The following DLK1 variants were observed in gnomAD, a reference collection of about 807,000 sequenced individuals.
DLK1 encodes the protein protein delta homolog 1.
DLK1 carries 9 observed loss-of-function variants against 35.2 expected under a neutral mutation model. The ratio of observed to expected loss-of-function variants is 0.26; its 90% CI spans 0.15 to 0.45. The LOEUF is 0.45. Ranked by LOEUF, DLK1 falls within the 20% of genes least tolerant of loss-of-function variation. The pLI, the probability that DLK1 is intolerant of heterozygous loss-of-function variation, is 1.00. For synonymous variants in DLK1, 231 were observed against 228.4 expected (o/e 1.01, Z -0.10); for missense variants, 522 against 528.5 (o/e 0.99, Z 0.12).
In DLK1 at chr14:100,734,670, T is replaced by C; in HGVS notation, c.926T>C (p.Ile309Thr). Reference sequence around the variant, plus strand: ...GAGGGCCAGGCCATCTGCTTCACCATCCTGGGCGTGCTCACCAGCCTGGTG... The same window carrying C: ...GAGGGCCAGGCCATCTGCTTCACCACCCTGGGCGTGCTCACCAGCCTGGTG... ...LTEGQAICFT[I>T]LGVLTSLVVL... The change falls in exon 5 of 5, where the codon ATC (isoleucine) becomes ACC (threonine). Residue 309 changes from isoleucine (I) to threonine (T), a missense_variant. Ile to Thr is a moderately conservative substitution (Grantham distance 89). Transcript: ENST00000341267. The surrounding 1 kb of genome is among the most constrained non-coding windows in gnomAD (Gnocchi z 7.4). The C allele has an allele frequency of 6.2e-7, 1 of 1,613,984 alleles. No individual in the cohort carries two copies. Among genetic ancestry groups the C allele is most frequent in the Non-Finnish European group, 8.5e-7 (1 of 1,179,998 alleles).
At chr14:100,730,931 C>T (rs973819820) in intron 3 of DLK1, among the ~76,000 whole-genome samples, 2 of 152,098 alleles carry the variant, frequency 1.3e-5, no homozygotes, top group African/African-American at 4.8e-5. Context: ...GGAAAAAATA[C>T]GCACATGTGT....
rs1483241866 is a variant in DLK1, at chr14:100,734,537, G to A, written c.793G>A (p.Ala265Thr). Reference sequence around the variant, plus strand: ...CCGTCTGCCCAGCGGCTATGGGCTGGCCTACCGCCTGACCCCTGGGGTGCA... The same window carrying A: ...CCGTCTGCCCAGCGGCTATGGGCTGACCTACCGCCTGACCCCTGGGGTGCA... ...VTRLPSGYGL[A>T]YRLTPGVHEL... Residue 265 changes from alanine to threonine, a missense_variant, in exon 5 of 5, where the codon GCC becomes ACC. Coordinates refer to ENST00000341267, the MANE Select transcript of DLK1 (RefSeq NM_003836.7). This position sits in a 1 kb window ranked among gnomAD's most constrained non-coding sequence, Gnocchi z 7.4. 3.7e-6 allele frequency: 6 copies of A among 1,612,500 alleles called. No homozygotes were observed. The Admixed American group carries it at 5.0e-5, about 13-fold the overall frequency.
chr14:100,732,211 A>G, intron 4 of DLK1, 28 bp downstream of exon 4: 2 of 1,602,034 alleles, frequency 1.2e-6, no homozygotes, highest in Non-Finnish European at 1.7e-6. Flanking sequence ...GTGTGATCTA[A>G]TGAATGCTGC....
Position 100,734,027 on chromosome 14 carries a change from G to A in DLK1, c.405-122G>A. On this transcript the variant is annotated intron_variant, in intron 4 of 4. Transcript: ENST00000341267. The surrounding 1 kb of genome is among the most constrained non-coding windows in gnomAD (Gnocchi z 7.4). ...CCCTCCCTCGCTCCCTCATTCACCT[G>A]ATGTGTTTTAAGCACCTGCCCCTTA... 1.6e-6 allele frequency: 2 copies of A among 1,286,750 alleles called. No homozygotes were observed. The highest frequency in any genetic ancestry group is 2.9e-5 in the Admixed American group (1 of 34,394). 79.7% of individuals were successfully genotyped at this position (1,286,750 alleles called of 1,614,324 possible). A position where few individuals can be genotyped will look rare whatever the true frequency, so the allele number is the denominator to read the frequency against.
chr14:100,737,897 T>C lies in DLK1; in HGVS notation c.*3001T>C, dbSNP rs2036592069. The C allele has an allele frequency of 6.6e-6, 1 of 152,144 alleles. No individual in the cohort carries two copies. The highest frequency in any genetic ancestry group is 2.4e-5 in the African/African-American group (1 of 41,426). 9.4% of individuals were successfully genotyped at this position (152,144 alleles called of 1,614,324 possible). A position where few individuals can be genotyped will look rare whatever the true frequency, so the allele number is the denominator to read the frequency against. On this transcript the variant is annotated 3_prime_UTR_variant, in exon 5 of 5. Coordinates refer to ENST00000341267, the MANE Select transcript of DLK1 (RefSeq NM_003836.7). ...AGCAGTGTCAGCAGCCTCGCCACGG[T>C]CTTCACGTCATGCAGAAATGGTCAT...
rs1469382276 is a variant in DLK1 at position 100,736,221 on chromosome 14, G to T, written c.*1325G>T. The T allele has an allele frequency of 6.7e-6, 1 of 149,460 alleles. No homozygotes were observed. Among genetic ancestry groups the T allele is most frequent in the Non-Finnish European group, 1.5e-5 (1 of 67,610 alleles). 9.3% of individuals were successfully genotyped at this position (149,460 alleles called of 1,614,324 possible). A position where few individuals can be genotyped will look rare whatever the true frequency, so the allele number is the denominator to read the frequency against. ...TCTATCTTTTTTGCAAAAATAGAAAGAAATGGGACAGAGCTCTGTTTAGCT... is the reference window on the plus strand; with the variant it reads ...TCTATCTTTTTTGCAAAAATAGAAATAAATGGGACAGAGCTCTGTTTAGCT... On this transcript the variant is annotated 3_prime_UTR_variant, in exon 5 of 5. Transcript: ENST00000341267.
rs1230268298 is a variant in DLK1 at position 100,734,589 on chromosome 14, A to T, written c.845A>T (p.His282Leu). The change falls in exon 5 of 5, where the codon CAC (histidine) becomes CTC (leucine). Residue 282 changes from histidine to leucine, a missense_variant. His to Leu is a moderately conservative substitution (Grantham distance 99). Coordinates refer to ENST00000341267, the MANE Select transcript of DLK1 (RefSeq NM_003836.7). The surrounding 1 kb of genome is among the most constrained non-coding windows in gnomAD (Gnocchi z 7.4). The stretch of plus-strand genomic sequence containing the variant: ...GAGCTGCCGGTGCAGCAGCCGGAGC[A>T]CCGCATCCTGAAGGTGTCCATGAAA... ...VHELPVQQPE[H>L]RILKVSMKEL... 6.2e-7 allele frequency: 1 copy of T among 1,613,750 alleles called. No individual in the cohort carries two copies. Among genetic ancestry groups the T allele is most frequent in the East Asian group, 2.2e-5 (1 of 44,864 alleles).
rs1313419095 is a variant in DLK1 at position 100,732,056 on chromosome 14, T to G, written c.277T>G (p.Ser93Ala). The G allele has an allele frequency of 6.2e-7, 1 of 1,613,456 alleles. No individual in the cohort carries two copies. Among genetic ancestry groups the G allele is most frequent in the Non-Finnish European group, 8.5e-7 (1 of 1,179,642 alleles). Reference sequence around the variant, plus strand: ...TCACCCCGCAGATGTTCGGGCCTGCTCCTCGGCCCCCTGTGCCAACAACAG... The same window carrying G: ...TCACCCCGCAGATGTTCGGGCCTGCGCCTCGGCCCCCTGTGCCAACAACAG... ...ELCDRDVRACSSAPCANNRTC... is the reference protein window; with the variant it reads ...ELCDRDVRACASAPCANNRTC... The change falls in exon 4 of 5, where the codon TCC becomes GCC. Residue 93 changes from serine to alanine, a missense_variant. By Grantham distance (99) the Ser-to-Ala change is moderately conservative (BLOSUM62 1). Transcript: ENST00000341267.
chr14:100,730,566 A>C lies in DLK1; in HGVS notation c.263-1476A>C, dbSNP rs61258394. Among the ~76,000 whole-genome samples, 278 of 152,292 alleles carry C rather than the reference A, an allele frequency of 1.8e-3. 1 individual carries two copies. The highest frequency in any genetic ancestry group is 6.4e-3 in the African/African-American group (265 of 41,576). On this transcript the variant is annotated intron_variant, in intron 3 of 4. Coordinates refer to ENST00000341267, the MANE Select transcript of DLK1 (RefSeq NM_003836.7). ...CCCCAAGCAGCCTTTTCCTCAGAGC[A>C]GCTTAATTCACCCCTGTCTTGGGGT...
At position 100,735,048 on chromosome 14, in the gene DLK1, A is replaced by G; in HGVS notation, c.*152A>G. The G allele has an allele frequency of 2.1e-6, 2 of 975,082 alleles. No individual in the cohort carries two copies. The highest frequency in any genetic ancestry group is 5.4e-5 in the East Asian group (2 of 37,092). The allele number at this position is 975,082 out of a possible 1,614,324, so 60.4% of individuals were successfully genotyped here. A position where few individuals can be genotyped will look rare whatever the true frequency, so the allele number is the denominator to read the frequency against. Reference sequence around the variant, plus strand: ...ATTGTCTTTGTGCTGCTGTGTGACAAACGCAATGCAAAAACAATCCTCTTT... The same window carrying G: ...ATTGTCTTTGTGCTGCTGTGTGACAGACGCAATGCAAAAACAATCCTCTTT... On this transcript the variant is annotated 3_prime_UTR_variant, in exon 5 of 5. Coordinates refer to ENST00000341267, the MANE Select transcript of DLK1 (RefSeq NM_003836.7).
rs186583984 is a variant in DLK1, at chr14:100,728,541, G to C, written c.131+82G>C. 1.6e-5 allele frequency: 23 copies of C among 1,471,904 alleles called. No homozygotes were observed. In the African/African-American group the frequency reaches 2.7e-4, roughly 17 times the overall value. 91.2% of individuals were successfully genotyped at this position (1,471,904 alleles called of 1,614,324 possible). On this transcript the variant is annotated intron_variant, in intron 2 of 4. Coordinates refer to ENST00000341267, the MANE Select transcript of DLK1 (RefSeq NM_003836.7). Reference sequence around the variant, plus strand: ...TCGTGAAGTCAGGCAGAAAAAAATAGGGGGCTTGGCCACTACGCTGCAGCA... The same window carrying C: ...TCGTGAAGTCAGGCAGAAAAAAATACGGGGCTTGGCCACTACGCTGCAGCA...
In DLK1 at chr14:100,727,112, T is replaced by C; in HGVS notation, c.44T>C (p.Leu15Pro). The stretch of plus-strand genomic sequence containing the variant: ...CTCCTGCGCGTCCTCTTGCTCCTGC[T>C]GGCTTTCGGCCACAGCACCTATGGT... ...EALLRVLLLL[L>P]AFGHSTYGAE... is the part of the protein sequence containing the mutation. The change falls in exon 1 of 5, where the codon CTG becomes CCG. Residue 15 changes from leucine (L) to proline (P), a missense_variant. Physicochemically the swap from Leu to Pro is moderately conservative, Grantham distance 98. Coordinates refer to ENST00000341267, the MANE Select transcript of DLK1 (RefSeq NM_003836.7). 6.3e-7 allele frequency: 1 copy of C among 1,595,180 alleles called. No homozygotes were observed.
intron 1 of DLK1, among the ~76,000 whole-genome samples, chr14:100,727,751 C>G (rs549157618): frequency 6.6e-6 from 1 of 152,248 alleles, no homozygotes; most frequent in South Asian, 2.1e-4. Context: ...TAAATGCACA[C>G]AGTAGGTGCC....
chr14:100,732,004 G>A, intron 3 of DLK1, 38 bp from the exon 4 acceptor site: 1 of 1,591,252 alleles, frequency 6.3e-7, no homozygotes, highest in Non-Finnish European at 8.6e-7. Context: ...CGTGTATGGA[G>A]AGGAAGCTAA....
At chr14:100,728,752 T>A in intron 2 of DLK1, 184 bp from the exon 3 acceptor site, 1 of 906,860 alleles carries the variant, frequency 1.1e-6, no homozygotes, top group African/African-American at 1.7e-5. Flanking sequence ...GTCGGCCCCC[T>A]CAGCTTGGCA....
At position 100,734,251 on chromosome 14, in the gene DLK1, C is replaced by T. The variant is rs140697628; in HGVS notation, c.507C>T (p.Ile169=). 270 of 1,613,466 alleles carry T rather than the reference C, an allele frequency of 1.7e-4. No homozygotes were observed. In the Middle Eastern group the frequency reaches 1.8e-3, roughly 11 times the overall value. The change falls in exon 5 of 5, where the codon ATC becomes ATT. Residue 169 remains isoleucine (I), a synonymous_variant. Coordinates refer to ENST00000341267, the MANE Select transcript of DLK1 (RefSeq NM_003836.7). This position sits in a 1 kb window ranked among gnomAD's most constrained non-coding sequence, Gnocchi z 7.4. ...GCTTCTCAGGCAATTTCTGCGAGAT[C>T]GTGGCCAACAGCTGCACCCCCAACC... ...PPGFSGNFCE[I]VANSCTPNPC...
At chr14:100,731,926 C>T (rs1001991905) in intron 3 of DLK1, 116 bp from the exon 4 acceptor site, 6 of 1,356,438 alleles carry the variant, frequency 4.4e-6, no homozygotes, top group African/African-American at 3.0e-5. Context: ...TCCCTAAACC[C>T]TCTTACTCCA....
intron 3 of DLK1, among the ~76,000 whole-genome samples, chr14:100,729,699 A>G (rs1377368463): frequency 1.3e-5 from 2 of 152,178 alleles, no homozygotes; most frequent in Non-Finnish European, 2.9e-5. Flanking sequence ...CTTTGCCTCC[A>G]TTACCCCAAG....
chr14:100,727,247 C>T (rs2036446399), intron 1 of DLK1, 112 bp downstream of exon 1: 1 of 1,140,834 alleles, frequency 8.8e-7, no homozygotes, highest in Non-Finnish European at 1.2e-6. Context: ...CCGCCCGTCC[C>T]GCCTAGCCCT....
Sources: allele counts gnomAD v4.1 joint callset (sites outside exome capture counted in the v4.1 genomes callset), GRCh38; gene constraint gnomAD v4.1.1; non-coding constraint Gnocchi (gnomAD v3.1); transcripts MANE v1.5; gene names NCBI Gene and HGNC (gene_info 2026-07-23, HGNC 2026-07-21).